Variants in HLA-DPB1 observed in about 807,000 individuals in gnomAD.
HLA-DPB1 encodes the protein major histocompatibility complex, class II, DP beta 1, also known as HLA class II histocompatibility antigen, DP beta 1 chain.
HLA-DPB1 carries 30 observed loss-of-function variants against 29.4 expected under a neutral mutation model. The observed-to-expected ratio is 1.02, with a 90% CI of 0.76 to 1.38. The LOEUF is 1.38. Among genes scored for constraint, HLA-DPB1 ranks in the 40% most tolerant of loss-of-function variants. The probability of loss-of-function intolerance (pLI) is 0.00; values close to 1 mark genes in which losing one functional copy is unlikely to be tolerated. For missense variants in HLA-DPB1, 261 were observed against 327.5 expected, an observed-to-expected ratio of 0.80 and a Z score of 1.57; for synonymous variants, 114 against 134.0, an observed-to-expected ratio of 0.85 and a Z score of 1.03.
chr6:33,080,492 G>T lies in HLA-DPB1; in HGVS notation c.101-180G>T. ...TCTCTCTCTGCGTGGTGAGAAAACAGGCCTGGAGAGGCTCTGCGACCCGCT... is the reference window on the plus strand; with the variant it reads ...TCTCTCTCTGCGTGGTGAGAAAACATGCCTGGAGAGGCTCTGCGACCCGCT... On this transcript the variant is annotated intron_variant, in intron 1 of 5. Transcript: ENST00000418931. The surrounding 1 kb of genome is among the most constrained non-coding windows in gnomAD (Gnocchi z 4.3). The T allele has an allele frequency of 1.2e-6, 1 of 827,100 alleles. No individual in the cohort carries two copies. Among genetic ancestry groups the T allele is most frequent in the Non-Finnish European group, 2.0e-6 (1 of 487,810 alleles). 51.2% of individuals were successfully genotyped at this position (827,100 alleles called of 1,614,324 possible).
Position 33,080,651 on chromosome 6 carries a change from A to G in HLA-DPB1, c.101-21A>G. 2 of 1,612,192 alleles carry G rather than the reference A, an allele frequency of 1.2e-6. No homozygotes were observed. Among genetic ancestry groups the G allele is most frequent in the Non-Finnish European group, 1.7e-6 (2 of 1,179,214 alleles). ...TTAGATGAGAGTGGCGCCTCCGCTC[A>G]TGTCCGCCCCCTCCCCGCAGAGAAT... On this transcript the variant is annotated intron_variant, in intron 1 of 5. Transcript: ENST00000418931. This position sits in a 1 kb window ranked among gnomAD's most constrained non-coding sequence, Gnocchi z 4.3.
intron 4 of HLA-DPB1, 77 bp downstream of exon 4, chr6:33,085,966 CAGAAA>C: frequency 1.0e-6 from 1 of 992,408 alleles, no homozygotes; most frequent in Non-Finnish European, 1.5e-6. Context: ...AGGGGTTTGA[CAGAAA>C]AGAAATGTCA....
In HLA-DPB1 at chr6:33,080,627, T is replaced by C. The variant is rs1762787290; in HGVS notation, c.101-45T>C. On this transcript the variant is annotated intron_variant, in intron 1 of 5. Coordinates refer to ENST00000418931, the MANE Select transcript of HLA-DPB1 (RefSeq NM_002121.6). This position sits in a 1 kb window ranked among gnomAD's most constrained non-coding sequence, Gnocchi z 4.3. The stretch of plus-strand genomic sequence containing the variant: ...TGAGAGAGAGAGGGAGAAAGAGGAT[T>C]AGATGAGAGTGGCGCCTCCGCTCAT... The C allele has an allele frequency of 6.2e-7, 1 of 1,609,874 alleles. No homozygotes were observed. The highest frequency in any genetic ancestry group is 1.3e-5 in the African/African-American group (1 of 74,714).
chr6:33,076,977 T>G (rs1181436217), intron 1 of HLA-DPB1, among the ~76,000 whole-genome samples: 1 of 152,084 alleles, frequency 6.6e-6, no homozygotes, highest in Non-Finnish European at 1.5e-5. Context: ...CGTGCAGGTT[T>G]GTTACATATG....
chr6:33,080,201 A>G lies in HLA-DPB1; in HGVS notation c.101-471A>G, dbSNP rs2856824. Among the ~76,000 whole-genome samples the G allele has an allele frequency of 0.024, 3,609 of 152,310 alleles. 87 individuals carry two copies. The highest frequency in any genetic ancestry group is 0.066 in the African/African-American group (2,749 of 41,556). On this transcript the variant is annotated intron_variant, in intron 1 of 5. Coordinates refer to ENST00000418931, the MANE Select transcript of HLA-DPB1 (RefSeq NM_002121.6). The surrounding 1 kb of genome is among the most constrained non-coding windows in gnomAD (Gnocchi z 4.3). ...AGAGCGCTTAGCTATGGAAAAGAGA[A>G]AGAAGGAAGGGAGGGCTTCCTGGAG...
In HLA-DPB1 at chr6:33,080,887, T is replaced by C. The variant is rs751808149; in HGVS notation, c.316T>C (p.Cys106Arg). 13 of 1,611,174 alleles carry C rather than the reference T, an allele frequency of 8.1e-6. No homozygotes were observed. Among genetic ancestry groups the C allele is most frequent in the African/African-American group, 1.3e-5 (1 of 74,910 alleles). The change falls in exon 2 of 6, where the codon TGC becomes CGC. Residue 106 changes from cysteine (C) to arginine (R), a missense_variant. By Grantham distance (180) the Cys-to-Arg change is radical. Transcript: ENST00000418931. This position sits in a 1 kb window ranked among gnomAD's most constrained non-coding sequence, Gnocchi z 4.3. Reference protein sequence around the residue: ...EEKRAVPDRMCRHNYELGGPM... With the variant: ...EEKRAVPDRMRRHNYELGGPM... ...GAAGCGGGCAGTGCCGGACAGGATG[T>C]GCAGACACAACTACGAGCTGGGCGG...
At position 33,080,633 on chromosome 6, in the gene HLA-DPB1, A is replaced by G; in HGVS notation, c.101-39A>G. On this transcript the variant is annotated intron_variant, in intron 1 of 5. Coordinates refer to ENST00000418931, the MANE Select transcript of HLA-DPB1 (RefSeq NM_002121.6). This position sits in a 1 kb window ranked among gnomAD's most constrained non-coding sequence, Gnocchi z 4.3. ...AGAGAGGGAGAAAGAGGATTAGATGAGAGTGGCGCCTCCGCTCATGTCCGC... is the reference window on the plus strand; with the variant it reads ...AGAGAGGGAGAAAGAGGATTAGATGGGAGTGGCGCCTCCGCTCATGTCCGC... 1 of 1,611,106 alleles carries G rather than the reference A, an allele frequency of 6.2e-7. No individual in the cohort carries two copies. Among genetic ancestry groups the G allele is most frequent in the Non-Finnish European group, 8.5e-7 (1 of 1,178,318 alleles).
intron 1 of HLA-DPB1, among the ~76,000 whole-genome samples, chr6:33,077,814 T>G (rs1280108400): frequency 6.6e-6 from 1 of 152,144 alleles, no homozygotes; most frequent in Non-Finnish European, 1.5e-5. Flanking sequence ...TCCTCATCTT[T>G]CAGGGTAGCA....
At chr6:33,085,957 G>T (rs1414411432) in intron 4 of HLA-DPB1, 68 bp downstream of exon 4, 3 of 1,067,744 alleles carry the variant, frequency 2.8e-6, no homozygotes, top group Non-Finnish European at 4.2e-6. Flanking sequence ...TCCACGATGA[G>T]GGGTTTGACA....
chr6:33,080,612 A>G lies in HLA-DPB1; in HGVS notation c.101-60A>G. On this transcript the variant is annotated intron_variant, in intron 1 of 5. Transcript: ENST00000418931. This position sits in a 1 kb window ranked among gnomAD's most constrained non-coding sequence, Gnocchi z 4.3. ...AAGAATCGTTAATATTGAGAGAGAG[A>G]GGGAGAAAGAGGATTAGATGAGAGT... The G allele has an allele frequency of 1.2e-6, 2 of 1,601,814 alleles. No individual in the cohort carries two copies. The highest frequency in any genetic ancestry group is 2.2e-5 in the South Asian group (2 of 90,812).
intron 1 of HLA-DPB1, among the ~76,000 whole-genome samples, chr6:33,077,583 A>G (rs1762608197): frequency 6.6e-6 from 1 of 152,210 alleles, no homozygotes; most frequent in Non-Finnish European, 1.5e-5. Flanking sequence ...GTGGAGAAAT[A>G]GGAACACTTT....
intron 1 of HLA-DPB1, among the ~76,000 whole-genome samples, chr6:33,077,094 G>T (rs1490654165): frequency 9.1e-6 from 1 of 109,760 alleles, no homozygotes. Context: ...AACAGGCCCC[G>T]GTGTATGATG....
rs1763205032 is a variant in HLA-DPB1 at position 33,088,352 on chromosome 6, C to G, written c.*1818C>G. On this transcript the variant is annotated 3_prime_UTR_variant, in exon 6 of 6. Coordinates refer to ENST00000418931, the MANE Select transcript of HLA-DPB1 (RefSeq NM_002121.6). ...CTCATGTTACAGGTTAGGGCAGTAC[C>G]CCGAGTGGAGTGAACAATCTCTGGA... Among the ~76,000 whole-genome samples the G allele has an allele frequency of 6.7e-6, 1 of 149,632 alleles. No individual in the cohort carries two copies. Among genetic ancestry groups the G allele is most frequent in the African/African-American group, 2.5e-5 (1 of 40,698 alleles).
rs138558901 is a variant in HLA-DPB1, at chr6:33,078,063, C to T, written c.100+1922C>T. On this transcript the variant is annotated intron_variant, in intron 1 of 5. Coordinates refer to ENST00000418931, the MANE Select transcript of HLA-DPB1 (RefSeq NM_002121.6). ...CAGGAGGAAGTGACGGATGCAGCGC[C>T]CCCATCCCATAGGCAGAGCTGTCAT... is the stretch of plus-strand genomic sequence containing the variant. Among the ~76,000 whole-genome samples, 295 of 152,126 alleles carry T rather than the reference C, an allele frequency of 1.9e-3. 1 individual carries two copies. Among genetic ancestry groups the T allele is most frequent in the African/African-American group, 6.3e-3 (263 of 41,492 alleles).
chr6:33,085,915 G>A lies in HLA-DPB1; in HGVS notation c.757+26G>A, dbSNP rs755390144. ...GTGAGAAAGCCTGCAGGGTGAGCGG[G>A]ACTTACCTTCCCCTGGCATATTCAC... On this transcript the variant is annotated intron_variant, in intron 4 of 5. Transcript: ENST00000418931. 11 of 1,440,924 alleles carry A rather than the reference G, an allele frequency of 7.6e-6. No individual in the cohort carries two copies. The Admixed American group carries it at 1.9e-4, about 25-fold the overall frequency. The allele number at this position is 1,440,924 out of a possible 1,614,324, so 89.3% of individuals were successfully genotyped here. A position where few individuals can be genotyped will look rare whatever the true frequency, so the allele number is the denominator to read the frequency against.
intron 1 of HLA-DPB1, among the ~76,000 whole-genome samples, chr6:33,076,465 T>C (rs987620576): frequency 2.4e-4 from 37 of 152,130 alleles, no homozygotes; most frequent in Admixed American, 7.9e-4. Context: ...AAGTGCAGGC[T>C]CCTGGGCGTG....
rs1291923002 is a variant in HLA-DPB1 at position 33,088,433 on chromosome 6, G to T, written c.*1899G>T. The stretch of plus-strand genomic sequence containing the variant: ...ATCTGCACCCACATTACAGGAACAG[G>T]ATATGTGCTCCTAGGGAACTGAGGG... On this transcript the variant is annotated 3_prime_UTR_variant, in exon 6 of 6. Coordinates refer to ENST00000418931, the MANE Select transcript of HLA-DPB1 (RefSeq NM_002121.6). Among the ~76,000 whole-genome samples, 1 of 152,164 alleles carries T rather than the reference G, an allele frequency of 6.6e-6. No individual in the cohort carries two copies. Among genetic ancestry groups the T allele is most frequent in the Non-Finnish European group, 1.5e-5 (1 of 68,034 alleles).
chr6:33,080,819 C>A lies in HLA-DPB1; in HGVS notation c.248C>A (p.Pro83His). Reference protein sequence around the residue: ...EFRAVTELGRPAAEYWNSQKD... With the variant: ...EFRAVTELGRHAAEYWNSQKD... ...CGGGCGGTGACGGAGCTGGGGCGGC[C>A]TGCTGCGGAGTACTGGAACAGCCAG... The change falls in exon 2 of 6, where the codon CCT (proline) becomes CAT (histidine). Residue 83 changes from proline (P) to histidine (H), a missense_variant. Transcript: ENST00000418931. This position sits in a 1 kb window ranked among gnomAD's most constrained non-coding sequence, Gnocchi z 4.3. The A allele has an allele frequency of 6.2e-7, 1 of 1,613,172 alleles. No homozygotes were observed. The highest frequency in any genetic ancestry group is 8.5e-7 in the Non-Finnish European group (1 of 1,179,718).
intron 1 of HLA-DPB1, among the ~76,000 whole-genome samples, chr6:33,077,621 T>A (rs1285902203): frequency 1.3e-5 from 2 of 152,136 alleles, no homozygotes; most frequent in African/African-American, 4.8e-5. Flanking sequence ...TGTAAACTAG[T>A]TCAACCATTG....
Sources: gnomAD v4.1 joint callset for allele counts (sites outside exome capture counted in the v4.1 genomes callset) on GRCh38, gnomAD v4.1.1 for gene constraint, Gnocchi (gnomAD v3.1) non-coding constraint, MANE v1.5 for transcripts, NCBI Gene and HGNC (gene_info 2026-07-23, HGNC 2026-07-21) for gene names.